Variants in RUNDC1 observed in about 807,000 individuals in gnomAD.
RUNDC1 encodes RUN domain-containing protein 1.
In RUNDC1, 31 loss-of-function variants were observed where a neutral mutation model predicts 49.3. The ratio of observed to expected loss-of-function variants is 0.63; its 90% CI spans 0.47 to 0.85. The LOEUF (loss-of-function observed/expected upper bound fraction) is 0.85. Among genes scored for constraint, RUNDC1 ranks in the 40% least tolerant of loss-of-function variants. The pLI is 0.00. For missense variants in RUNDC1, 715 were observed against 806.7 expected (o/e 0.89, Z 1.38); for synonymous variants, 347 against 348.6 (o/e 1.00, Z 0.05).
intron 1 of RUNDC1, among the ~76,000 whole-genome samples, chr17:42,983,375 C>CTTTT (rs1179147349): frequency 1.3e-4 from 17 of 129,554 alleles, no homozygotes; most frequent in Non-Finnish European, 2.1e-4. Flanking sequence ...TTTCTTTTTC[C>CTTTT]TTTTTTTTTT....
intron 4 of RUNDC1, among the ~76,000 whole-genome samples, 196 bp from the exon 5 acceptor site, chr17:42,990,655 A>G (rs1315533864): frequency 6.6e-6 from 1 of 152,250 alleles, no homozygotes; most frequent in Non-Finnish European, 1.5e-5. Flanking sequence ...AAATGGGTGA[A>G]TCATATGGTA....
At position 42,981,039 on chromosome 17, in the gene RUNDC1, C is replaced by T. The variant is rs1289185157; in HGVS notation, c.463C>T (p.Pro155Ser). ...CGCCAGCGATGAGGGCGATGGGCTG[C>T]CAGGGGACCGGCCATGGTTGCGGGG... ...DPASDEGDGLPGDRPWLRGED... is the reference protein window; with the variant it reads ...DPASDEGDGLSGDRPWLRGED... The change falls in exon 1 of 5, where the codon CCA becomes TCA. Residue 155 changes from proline (P) to serine (S), a missense_variant. Physicochemically the swap from Pro to Ser is moderately conservative, Grantham distance 74. This residue lies in a region of RUNDC1 where 113 missense variants were observed against 93.4 expected (regional missense o/e 1.21). Transcript: ENST00000361677. 1 of 1,557,196 alleles carries T rather than the reference C, an allele frequency of 6.4e-7. No individual in the cohort carries two copies. Among genetic ancestry groups the T allele is most frequent in the Admixed American group, 1.8e-5 (1 of 54,446 alleles).
chr17:42,981,992 C>CTTATTTTTTT, intron 1 of RUNDC1: 1 of 125,496 alleles, frequency 8.0e-6, no homozygotes, highest in East Asian at 2.2e-4. Flanking sequence ...TGCCTTTTCA[C>CTTATTTTTTT]TTTTTTTTTT....
rs1405391230 is a variant in RUNDC1, at chr17:42,989,401, C to T, written c.718C>T (p.Leu240=). The part of the protein sequence containing the change: ...DMNLNEDISS[L]STEELRQRVD... The stretch of plus-strand genomic sequence containing the variant: ...GAATCTGAATGAGGACATCAGTTCC[C>T]TGTCCACTGAAGAGCTTCGTCAGCG... Residue 240 remains leucine, a synonymous_variant, in exon 3 of 5, where the codon CTG becomes TTG. Transcript: ENST00000361677. The T allele has an allele frequency of 1.2e-6, 2 of 1,613,830 alleles. No individual in the cohort carries two copies. Among genetic ancestry groups the T allele is most frequent in the Admixed American group, 1.7e-5 (1 of 59,980 alleles).
chr17:42,990,319 G>A lies in RUNDC1; in HGVS notation c.859G>A (p.Glu287Lys), dbSNP rs1472033832. ...LEMFINFIQDEVGSPLQTGGG... is the reference protein window; with the variant it reads ...LEMFINFIQDKVGSPLQTGGG... The stretch of plus-strand genomic sequence containing the variant: ...TCTTCTATAATTTCTGATTCCAGAT[G>A]AAGTGGGAAGCCCCTTGCAGACAGG... Residue 287 changes from glutamate to lysine, a missense_variant and splice_region_variant, in exon 4 of 5, where the codon GAA becomes AAA. Around this residue, in one of 5 missense-constraint regions of RUNDC1, gnomAD observed 425 missense variants for 499.7 expected, o/e 0.85. Transcript: ENST00000361677. 1 of 1,613,582 alleles carries A rather than the reference G, an allele frequency of 6.2e-7. No individual in the cohort carries two copies. The highest frequency in any genetic ancestry group is 1.7e-5 in the Admixed American group (1 of 59,860).
chr17:42,991,209 C>A lies in RUNDC1; in HGVS notation c.1335C>A (p.Ser445=). 1.9e-6 allele frequency: 3 copies of A among 1,614,256 alleles called. No individual in the cohort carries two copies. In the South Asian group the frequency reaches 3.3e-5, roughly 18 times the overall value. The change falls in exon 5 of 5, where the codon TCC becomes TCA. Residue 445 remains serine (S), a synonymous_variant. Transcript: ENST00000361677. The stretch of plus-strand genomic sequence containing the variant: ...TGCTGGCCCATGGACTGTATGCCTC[C>A]TCCCCAGGGATGAGCCTTGTTATGG... The part of the protein sequence containing the change: ...RDLLAHGLYA[S]SPGMSLVMAP...
intron 1 of RUNDC1, among the ~76,000 whole-genome samples, chr17:42,983,670 C>T (rs1419990755): frequency 6.6e-6 from 1 of 150,876 alleles, no homozygotes; most frequent in East Asian, 2.0e-4. Context: ...CTGTACCCCG[C>T]CAATTTTTTT....
rs1381685190 is a variant in RUNDC1, at chr17:42,980,621, G to A, written c.45G>A (p.Ala15=). The A allele has an allele frequency of 8.1e-6, 13 of 1,608,432 alleles. No individual in the cohort carries two copies. The highest frequency in any genetic ancestry group is 9.3e-6 in the Non-Finnish European group (11 of 1,178,982). The change falls in exon 1 of 5, where the codon GCG becomes GCA. Residue 15 remains alanine, a synonymous_variant. Coordinates refer to ENST00000361677, the MANE Select transcript of RUNDC1 (RefSeq NM_173079.5). ...EAAAEPVTVV[A]AVGPKAKDEE... ...CTGCAGAGCCGGTAACGGTGGTGGC[G>A]GCTGTTGGGCCAAAGGCGAAAGACG...
Position 42,991,439 on chromosome 17 carries a change from T to A in RUNDC1, c.1565T>A (p.Met522Lys). Residue 522 changes from methionine to lysine, a missense_variant, in exon 5 of 5, where the codon ATG becomes AAG. Physicochemically the swap from Met to Lys is moderately conservative, Grantham distance 95 (BLOSUM62 -1). Coordinates refer to ENST00000361677, the MANE Select transcript of RUNDC1 (RefSeq NM_173079.5). ...CAGAGCCTACTGACAGCCATCCACATGGTGCTGACAGAGCATGACCCTTTT... is the reference window on the plus strand; with the variant it reads ...CAGAGCCTACTGACAGCCATCCACAAGGTGCTGACAGAGCATGACCCTTTT... ...PKQSLLTAIHMVLTEHDPFKR... is the reference protein window; with the variant it reads ...PKQSLLTAIHKVLTEHDPFKR... The A allele has an allele frequency of 6.2e-7, 1 of 1,614,198 alleles. No homozygotes were observed. Among genetic ancestry groups the A allele is most frequent in the Non-Finnish European group, 8.5e-7 (1 of 1,180,018 alleles).
At chr17:42,987,915 G>C (rs757742117) in intron 2 of RUNDC1, among the ~76,000 whole-genome samples, 51 of 152,182 alleles carry the variant, frequency 3.4e-4, no homozygotes, top group Non-Finnish European at 6.6e-4. Flanking sequence ...ACCATGCTGG[G>C]CTAATTTTGT....
chr17:42,981,285 A>C (rs886169055), intron 1 of RUNDC1: 3 of 604,504 alleles, frequency 5.0e-6, no homozygotes, highest in Non-Finnish European at 8.3e-6. Context: ...GTGTGCACGG[A>C]GGATGTGGAG....
chr17:42,989,654 G>A (rs2050213548), intron 3 of RUNDC1, 115 bp downstream of exon 3: 2 of 942,922 alleles, frequency 2.1e-6, no homozygotes, highest in Admixed American at 2.1e-5. Flanking sequence ...TGGGCGGTGG[G>A]GACAGTGTCT....
At chr17:42,982,920 G>A (rs1450445939) in intron 1 of RUNDC1, among the ~76,000 whole-genome samples, 2 of 151,438 alleles carry the variant, frequency 1.3e-5, no homozygotes, top group African/African-American at 2.4e-5. Context: ...CTGGGAGGCA[G>A]AGGTTGCGGT....
Position 42,987,417 on chromosome 17 carries a change from G to A in RUNDC1, c.657+3G>A. On this transcript the variant is annotated splice_donor_region_variant and intron_variant, in intron 2 of 4. Coordinates refer to ENST00000361677, the MANE Select transcript of RUNDC1 (RefSeq NM_173079.5). Reference sequence around the variant, plus strand: ...CCGTGGTGTTGGAAAGACAGCGGGTGAGCAGACCCCAGAGGAACCTCCACC... The same window carrying A: ...CCGTGGTGTTGGAAAGACAGCGGGTAAGCAGACCCCAGAGGAACCTCCACC... The A allele has an allele frequency of 1.2e-6, 2 of 1,613,970 alleles. No homozygotes were observed. The highest frequency in any genetic ancestry group is 8.5e-7 in the Non-Finnish European group (1 of 1,179,908).
chr17:42,989,895 A>G (rs533901420), intron 3 of RUNDC1, among the ~76,000 whole-genome samples: 83 of 152,200 alleles, frequency 5.5e-4, no homozygotes, highest in Non-Finnish European at 1.0e-3. Context: ...TCAGCCTCCC[A>G]AAGTACCAGG....
At chr17:42,989,677 C>T in intron 3 of RUNDC1, 138 bp downstream of exon 3, 1 of 786,924 alleles carries the variant, frequency 1.3e-6, no homozygotes. Context: ...CTCTGTTCCC[C>T]TGGCTGGAGT....
At position 42,982,642 on chromosome 17, in the gene RUNDC1, G is replaced by A. The variant is rs141336473; in HGVS notation, c.498+1568G>A. On this transcript the variant is annotated intron_variant, in intron 1 of 4. Coordinates refer to ENST00000361677, the MANE Select transcript of RUNDC1 (RefSeq NM_173079.5). ...TTGCATGCCTGTAGCAACATTTCAT[G>A]TACCCCATAAATATATACACATACT... Among the ~76,000 whole-genome samples the A allele has an allele frequency of 3.3e-5, 5 of 152,062 alleles. No individual in the cohort carries two copies. The East Asian group carries it at 9.7e-4, about 29-fold the overall frequency.
Position 42,990,301 on chromosome 17 carries a change from T to TA in RUNDC1, c.857-14dup. ...AAGGGCTAAATAAGTGTCTCTTCTA[T>TA]AATTTCTGATTCCAGATGAAGTGGG... On this transcript the variant is annotated splice_polypyrimidine_tract_variant and intron_variant, in intron 3 of 4. Transcript: ENST00000361677. 6.2e-7 allele frequency: 1 copy of TA among 1,613,352 alleles called. No individual in the cohort carries two copies.
intron 1 of RUNDC1, among the ~76,000 whole-genome samples, chr17:42,986,843 G>T (rs952109782): frequency 2.0e-5 from 3 of 152,120 alleles, no homozygotes; most frequent in African/African-American, 7.2e-5. Context: ...CCTTACCCCA[G>T]ATTCTTTTGC....
Sources: gnomAD v4.1 joint callset for allele counts (sites outside exome capture counted in the v4.1 genomes callset) on GRCh38, gnomAD v4.1.1 for gene constraint, gnomAD v4.1.1 regional missense constraint, MANE v1.5 for transcripts, NCBI Gene and HGNC (gene_info 2026-07-23, HGNC 2026-07-21) for gene names.